DLG2: variants seen among roughly 807,000 people sequenced by gnomAD.
The protein encoded by DLG2 is discs large MAGUK scaffold protein 2, also known as disks large homolog 2.
In DLG2, 45 loss-of-function variants were observed where a neutral mutation model predicts 132.5. The observed-to-expected ratio is 0.34, with a 90% CI of 0.27 to 0.44. The LOEUF (loss-of-function observed/expected upper bound fraction) is 0.44, where lower values mean the gene tolerates loss of function less well. Among genes scored for constraint, DLG2 ranks in the 20% least tolerant of loss-of-function variants. The probability of loss-of-function intolerance (pLI) is 1.00; values close to 1 mark genes in which losing one functional copy is unlikely to be tolerated. For missense variants in DLG2, 1,045 were observed against 1,196.9 expected (o/e 0.87, Z 1.87); for synonymous variants, 424 against 419.6 (o/e 1.01, Z -0.13).
At chr11:83,962,047 C>G (rs1010325977) in intron 14 of DLG2, among the ~76,000 whole-genome samples, 21 of 151,996 alleles carry the variant, frequency 1.4e-4, no homozygotes, top group African/African-American at 5.1e-4. Context: ...GCTTTCCTCT[C>G]CGGCAGAAAG....
chr11:84,972,726 A>G (rs1159743828), intron 6 of DLG2, among the ~76,000 whole-genome samples: 1 of 151,552 alleles, frequency 6.6e-6, no homozygotes, highest in African/African-American at 2.4e-5. Context: ...CTGACTTCCT[A>G]AAACTTCCTG....
intron 6 of DLG2, among the ~76,000 whole-genome samples, chr11:84,755,535 T>C (rs972757468): frequency 2.0e-5 from 3 of 152,218 alleles, no homozygotes; most frequent in Non-Finnish European, 4.4e-5. Context: ...GACATTCTCC[T>C]GCCTCAGCCT....
intron 9 of DLG2, among the ~76,000 whole-genome samples, chr11:84,117,311 C>T (rs1462163069): frequency 1.3e-5 from 2 of 152,126 alleles, no homozygotes; most frequent in African/African-American, 4.8e-5. Flanking sequence ...CTGATCTATC[C>T]TAGTCATTCC....
At chr11:83,667,975 C>CAAAAAAAAAAAA (rs10688898) in intron 18 of DLG2, among the ~76,000 whole-genome samples, 3 of 39,598 alleles carry the variant, frequency 7.6e-5, no homozygotes, top group African/African-American at 2.5e-4. Context: ...GACTCCGTCT[C>CAAAAAAAAAAAA]AAAAAAAAAA....
intron 7 of DLG2, among the ~76,000 whole-genome samples, chr11:84,398,530 C>T (rs2098818645): frequency 6.6e-6 from 1 of 152,174 alleles, no homozygotes; most frequent in Admixed American, 6.5e-5. Flanking sequence ...AGACCCACAT[C>T]TCAGCCTTAA....
At chr11:85,350,360 C>T (rs1035063518) in intron 3 of DLG2, among the ~76,000 whole-genome samples, 2 of 152,142 alleles carry the variant, frequency 1.3e-5, no homozygotes, top group Admixed American at 1.3e-4. Context: ...CTGTAGGTTG[C>T]CTGTTCACTA....
chr11:85,285,139 T>A, intron 4 of DLG2, 81 bp downstream of exon 4: 1 of 1,214,000 alleles, frequency 8.2e-7, no homozygotes, highest in Non-Finnish European at 1.2e-6. Context: ...TTGTTGATAA[T>A]AATCACCACT....
intron 6 of DLG2, among the ~76,000 whole-genome samples, chr11:85,053,015 T>C (rs763613937): frequency 8.5e-5 from 13 of 152,212 alleles, no homozygotes; most frequent in Non-Finnish European, 1.8e-4. Context: ...AATTTTTTTC[T>C]ACATTGTCAT....
intron 19 of DLG2, among the ~76,000 whole-genome samples, chr11:83,543,610 G>A (rs974900869): frequency 1.3e-4 from 20 of 152,110 alleles, no homozygotes; most frequent in Non-Finnish European, 1.5e-4. Flanking sequence ...TGATGACAAT[G>A]ATGATAGCAA....
intron 19 of DLG2, chr11:83,631,689 T>C (rs1381233378): frequency 6.6e-6 from 1 of 152,198 alleles, no homozygotes; most frequent in Non-Finnish European, 1.5e-5. Flanking sequence ...AAATTTCTTC[T>C]AGTATCTGAA....
At chr11:83,793,642 A>G (rs7127293) in intron 17 of DLG2, among the ~76,000 whole-genome samples, 27,434 of 152,130 alleles carry the variant, frequency 0.18, 2,735 homozygotes, top group African/African-American at 0.26. Flanking sequence ...AAGTCTACCT[A>G]GGTTTCCTAG....
chr11:84,277,237 C>A (rs1218950829), intron 7 of DLG2, among the ~76,000 whole-genome samples: 1 of 152,108 alleles, frequency 6.6e-6, no homozygotes, highest in Non-Finnish European at 1.5e-5. Context: ...GCTAATAAAC[C>A]TTTATAGAAT....
At chr11:84,586,929 T>G (rs1412687234) in intron 6 of DLG2, among the ~76,000 whole-genome samples, 2 of 152,220 alleles carry the variant, frequency 1.3e-5, no homozygotes, top group Non-Finnish European at 2.9e-5. Context: ...AATCTTATAT[T>G]GGGTTTCCCA....
chr11:84,760,023 A>G (rs970270171), intron 6 of DLG2, among the ~76,000 whole-genome samples: 2 of 152,176 alleles, frequency 1.3e-5, no homozygotes, highest in African/African-American at 4.8e-5. Flanking sequence ...TGGTTTTGTC[A>G]TTGGTAAGCT....
intron 3 of DLG2, among the ~76,000 whole-genome samples, chr11:85,493,584 T>C (rs1375662302): frequency 5.3e-5 from 8 of 151,998 alleles, no homozygotes; most frequent in Non-Finnish European, 1.0e-4. Context: ...GGCAGGAGAA[T>C]TGCTTAAGCC....
chr11:84,594,677 T>A (rs2099552139), intron 6 of DLG2, among the ~76,000 whole-genome samples: 1 of 152,180 alleles, frequency 6.6e-6, no homozygotes, highest in Non-Finnish European at 1.5e-5. Context: ...AGTTTGGGAT[T>A]TATGAGGTAT....
intron 6 of DLG2, among the ~76,000 whole-genome samples, chr11:84,665,426 C>A (rs1466391483): frequency 6.6e-6 from 1 of 152,096 alleles, no homozygotes; most frequent in African/African-American, 2.4e-5. Flanking sequence ...TTACGCTATA[C>A]CACCTATCTA....
chr11:85,289,431 A>G (rs973204865), intron 3 of DLG2, among the ~76,000 whole-genome samples: 2 of 152,128 alleles, frequency 1.3e-5, no homozygotes, highest in African/African-American at 4.8e-5. Flanking sequence ...TGTAAAAACA[A>G]TATTTGAAGT....
chr11:84,316,726 C>T, intron 7 of DLG2: 1 of 1,288,178 alleles, frequency 7.8e-7, no homozygotes. Flanking sequence ...ACAGGCATAC[C>T]CGTGGTACTC....
Sources: gnomAD v4.1 joint callset for allele counts (sites outside exome capture counted in the v4.1 genomes callset) on GRCh38, gnomAD v4.1.1 for gene constraint, MANE v1.5 for transcripts, NCBI Gene and HGNC (gene_info 2026-07-23, HGNC 2026-07-21) for gene names.